ERC1: variants seen among roughly 807,000 people sequenced by gnomAD.
ERC1 encodes the protein RAB6 interacting protein 2.
ERC1 carries 56 observed loss-of-function variants against 132.0 expected under a neutral mutation model. The observed-to-expected ratio is 0.42, with a 90% CI of 0.34 to 0.53. The LOEUF (loss-of-function observed/expected upper bound fraction) is 0.53. ERC1 is among the 20% of genes least tolerant of loss of function. The pLI is 0.03. For missense variants in ERC1, 1,202 were observed against 1,349.9 expected (o/e 0.89, Z 1.72); for synonymous variants, 478 against 476.1 (o/e 1.00, Z -0.05).
intron 1 of ERC1, among the ~76,000 whole-genome samples, chr12:1,010,278 C>T (rs774789936): frequency 6.6e-6 from 1 of 151,770 alleles, no homozygotes; most frequent in Non-Finnish European, 1.5e-5. Context: ...GTCAGGAGTT[C>T]GAGACCAGCC....
At chr12:1,205,409 GTGTGTA>G (rs1397190229) in intron 12 of ERC1, among the ~76,000 whole-genome samples, 2 of 141,960 alleles carry the variant, frequency 1.4e-5, no homozygotes, top group African/African-American at 5.2e-5. Context: ...GTGTGTGTGT[GTGTGTA>G]TATATATATA....
chr12:1,197,543 G>T (rs919697342), intron 12 of ERC1, among the ~76,000 whole-genome samples: 1 of 152,168 alleles, frequency 6.6e-6, no homozygotes, highest in Non-Finnish European at 1.5e-5. Context: ...TACAGGACAG[G>T]TACTGCATAA....
chr12:1,212,884 T>C (rs184695450), intron 12 of ERC1, among the ~76,000 whole-genome samples: 1 of 152,330 alleles, frequency 6.6e-6, no homozygotes, highest in Non-Finnish European at 1.5e-5. Context: ...CAAAATTGTA[T>C]CCTCAGTGTT....
At chr12:1,397,537 T>C (rs1450636668) in intron 16 of ERC1, among the ~76,000 whole-genome samples, 3 of 152,184 alleles carry the variant, frequency 2.0e-5, no homozygotes, top group Non-Finnish European at 4.4e-5. Context: ...TACTGTTAAA[T>C]GAAAAAGCAA....
intron 14 of ERC1, among the ~76,000 whole-genome samples, chr12:1,279,524 G>C (rs1357826876): frequency 6.6e-6 from 1 of 152,014 alleles, no homozygotes; most frequent in Admixed American, 6.6e-5. Context: ...TCAGCAAAAG[G>C]ACTGTATCTG....
rs567437496 is a variant in ERC1, at chr12:1,252,557, T to C, written c.2488-10477T>C. On this transcript the variant is annotated intron_variant, in intron 13 of 18. Transcript: ENST00000360905. ...CTATGCTCTGTAAAATTTATTGATA[T>C]AAAGCATCATTTTTATATGTGTACT... 1.6e-4 allele frequency among the ~76,000 whole-genome samples: 25 copies of C among 152,340 alleles called. 1 individual carries two copies. The South Asian group carries it at 5.0e-3, about 30-fold the overall frequency.
rs147451750 is a variant in ERC1 at position 1,108,142 on chromosome 12, G to A, written c.1162-2050G>A. ...TTTTCTGGCCTGATTTCCTTGGTAGGTTCTTCTTCTGGTCAGTCAGTACCT... is the reference window on the plus strand; with the variant it reads ...TTTTCTGGCCTGATTTCCTTGGTAGATTCTTCTTCTGGTCAGTCAGTACCT... On this transcript the variant is annotated intron_variant, in intron 4 of 18. Coordinates refer to ENST00000360905, the MANE Select transcript of ERC1 (RefSeq NM_178040.4). 4.6e-3 allele frequency among the ~76,000 whole-genome samples: 702 copies of A among 152,244 alleles called. 4 individuals are homozygous for A. The highest frequency in any genetic ancestry group is 0.015 in the African/African-American group (631 of 41,522).
intron 16 of ERC1, among the ~76,000 whole-genome samples, chr12:1,399,552 C>G (rs772444938): frequency 2.6e-5 from 4 of 152,166 alleles, no homozygotes; most frequent in Non-Finnish European, 4.4e-5. Context: ...TAGCCATTGT[C>G]CCTTTCCCCC....
At chr12:996,785 T>C (rs990841364) in intron 1 of ERC1, among the ~76,000 whole-genome samples, 1 of 152,244 alleles carries the variant, frequency 6.6e-6, no homozygotes, top group Non-Finnish European at 1.5e-5. Context: ...TAGTTCTTTC[T>C]GAAGGCAATC....
chr12:1,040,157 A>G (rs868302707), intron 2 of ERC1, among the ~76,000 whole-genome samples: 29 of 152,154 alleles, frequency 1.9e-4, no homozygotes, highest in African/African-American at 6.5e-4. Flanking sequence ...GGAAAAAGAG[A>G]AATATTACAA....
chr12:1,224,262 C>T (rs960692586), intron 12 of ERC1, among the ~76,000 whole-genome samples: 1 of 152,112 alleles, frequency 6.6e-6, no homozygotes, highest in Non-Finnish European at 1.5e-5. Context: ...CACACACACA[C>T]GTACACAGAC....
At chr12:1,143,618 A>G (rs985158794) in intron 8 of ERC1, among the ~76,000 whole-genome samples, 1 of 148,402 alleles carries the variant, frequency 6.7e-6, no homozygotes, top group African/African-American at 2.5e-5. Flanking sequence ...TTTCCATTTG[A>G]AATTTAGAAT....
At chr12:1,368,563 G>A (rs760443825) in intron 15 of ERC1, among the ~76,000 whole-genome samples, 6 of 152,130 alleles carry the variant, frequency 3.9e-5, no homozygotes, top group African/African-American at 1.2e-4. Flanking sequence ...AGGTAAGTCC[G>A]ACTATACCAT....
chr12:1,394,348 C>T (rs796266452), intron 16 of ERC1, among the ~76,000 whole-genome samples: 89 of 147,780 alleles, frequency 6.0e-4, no homozygotes, highest in East Asian at 2.7e-3. Context: ...TGCAGTGAGC[C>T]GAGATTGCGC....
chr12:1,014,320 C>T (rs548366852), intron 1 of ERC1, among the ~76,000 whole-genome samples: 3 of 151,904 alleles, frequency 2.0e-5, no homozygotes, highest in African/African-American at 7.3e-5. Context: ...AGATCATAGG[C>T]GTGTGCCATC....
intron 16 of ERC1, among the ~76,000 whole-genome samples, chr12:1,384,002 G>A (rs12306442): frequency 0.22 from 33,997 of 152,086 alleles, 7,170 homozygotes; most frequent in African/African-American, 0.56. Flanking sequence ...AGGATTCAGA[G>A]CCGATCATAT....
chr12:1,449,756 A>G (rs535010312), intron 18 of ERC1, among the ~76,000 whole-genome samples: 282 of 152,292 alleles, frequency 1.9e-3, no homozygotes, highest in African/African-American at 6.2e-3. Context: ...TGAAGTGTTT[A>G]GAATATTTGC....
chr12:1,466,051 A>T (rs1321648265), intron 18 of ERC1, among the ~76,000 whole-genome samples: 1 of 152,190 alleles, frequency 6.6e-6, no homozygotes, highest in Non-Finnish European at 1.5e-5. Context: ...AATGGTGGTT[A>T]GGTCCTGTGG....
chr12:1,358,946 ATCT>A (rs142027898), intron 15 of ERC1, among the ~76,000 whole-genome samples: 10,109 of 152,218 alleles, frequency 0.066, 608 homozygotes, highest in African/African-American at 0.15. Flanking sequence ...CATGACATAA[ATCT>A]TCTTACATCG....
Sources: gnomAD v4.1 joint callset for allele counts (sites outside exome capture counted in the v4.1 genomes callset) on GRCh38, gnomAD v4.1.1 for gene constraint, MANE v1.5 for transcripts, NCBI Gene and HGNC (gene_info 2026-07-23, HGNC 2026-07-21) for gene names.